The following WDR97 variants were observed in gnomAD, a reference collection of about 807,000 sequenced individuals.
The protein encoded by WDR97 is WD repeat domain 97.
In WDR97, 111 loss-of-function variants were observed where a neutral mutation model predicts 65.4. The observed-to-expected ratio is 1.70, with a 90% confidence interval of 1.45 to 1.99. The LOEUF is 1.99. WDR97 is among the 30% of genes most tolerant of loss of function. WDR97 has a pLI of 0.00. For synonymous variants in WDR97, 802 were observed against 397.7 expected, an observed-to-expected ratio of 2.02 and a Z score of -12.10; for missense variants, 1,674 against 865.0, an observed-to-expected ratio of 1.94 and a Z score of -11.73.
rs772020949 is a variant in WDR97 at position 144,109,557 on chromosome 8, T to C, written c.1223T>C (p.Leu408Pro). The C allele has an allele frequency of 4.3e-5, 30 of 696,724 alleles. No individual in the cohort carries two copies. The Middle Eastern group carries it at 8.4e-4, about 20-fold the overall frequency. 43.2% of individuals were successfully genotyped at this position (696,724 alleles called of 1,614,324 possible). A position where few individuals can be genotyped will look rare whatever the true frequency, so the allele number is the denominator to read the frequency against. ...VLSLCASSMQ[L>P]WRVRELYSPL... Reference sequence around the variant, plus strand: ...TCCCTGTGCGCGAGCAGCATGCAGCTGTGGCGCGTACGCGAGCTCTACTCG... The same window carrying C: ...TCCCTGTGCGCGAGCAGCATGCAGCCGTGGCGCGTACGCGAGCTCTACTCG... Residue 408 changes from leucine (L) to proline (P), a missense_variant, in exon 5 of 24, where the codon CTG becomes CCG. Transcript: ENST00000323662.
chr8:144,111,959 G>A lies in WDR97; in HGVS notation c.2710G>A (p.Val904Met), dbSNP rs1361984646. Reference protein sequence around the residue: ...TLRVERETRDVCAVPQAAHCL... With the variant: ...TLRVERETRDMCAVPQAAHCL... ...CAGAGTGGAGAGAGAGACCCGGGATGTGTGTGCTGTACCCCAAGCTGCCCA... is the reference window on the plus strand; with the variant it reads ...CAGAGTGGAGAGAGAGACCCGGGATATGTGTGCTGTACCCCAAGCTGCCCA... Residue 904 changes from valine to methionine, a missense_variant, in exon 13 of 24, where the codon GTG (valine) becomes ATG (methionine). Transcript: ENST00000323662. 1 of 702,424 alleles carries A rather than the reference G, an allele frequency of 1.4e-6. No homozygotes were observed. Among genetic ancestry groups the A allele is most frequent in the African/African-American group, 1.7e-5 (1 of 57,210 alleles). 43.5% of individuals were successfully genotyped at this position (702,424 alleles called of 1,614,324 possible). A position where few individuals can be genotyped will look rare whatever the true frequency, so the allele number is the denominator to read the frequency against.
chr8:144,115,328 C>T lies in WDR97; in HGVS notation c.4078-13C>T, dbSNP rs1477310559. ...AGGTCTCTAAGACCTTAGCACTTTC[C>T]TCTCCTCCCAAGGAGACCCCATCGC... On this transcript the variant is annotated splice_polypyrimidine_tract_variant and intron_variant, in intron 21 of 23. Coordinates refer to ENST00000323662, the MANE Select transcript of WDR97 (RefSeq NM_001316309.2). 1 of 593,210 alleles carries T rather than the reference C, an allele frequency of 1.7e-6. No homozygotes were observed. Among genetic ancestry groups the T allele is most frequent in the Non-Finnish European group, 3.0e-6 (1 of 331,782 alleles). 36.7% of individuals were successfully genotyped at this position (593,210 alleles called of 1,614,324 possible). A position where few individuals can be genotyped will look rare whatever the true frequency, so the allele number is the denominator to read the frequency against.
In WDR97 at chr8:144,108,655, T is replaced by C. The variant is rs1431728569; in HGVS notation, c.589T>C (p.Trp197Arg). The change falls in exon 3 of 24, where the codon TGG (tryptophan) becomes CGG (arginine). Residue 197 changes from tryptophan to arginine, a missense_variant. Coordinates refer to ENST00000323662, the MANE Select transcript of WDR97 (RefSeq NM_001316309.2). ...GCAGGGGGTGGGCAGGGCCCCGGGTTGGGCGCCCACCTGCTGCCTGCCGGT... is the reference window on the plus strand; with the variant it reads ...GCAGGGGGTGGGCAGGGCCCCGGGTCGGGCGCCCACCTGCTGCCTGCCGGT... Reference protein sequence around the residue: ...SEQGVGRAPGWAPTCCLPVPD... With the variant: ...SEQGVGRAPGRAPTCCLPVPD... The C allele has an allele frequency of 1.4e-6, 1 of 700,424 alleles. No homozygotes were observed. Among genetic ancestry groups the C allele is most frequent in the Non-Finnish European group, 2.6e-6 (1 of 384,374 alleles). 43.4% of individuals were successfully genotyped at this position (700,424 alleles called of 1,614,324 possible).
Position 144,116,447 on chromosome 8 carries a change from C to G in WDR97, c.*154C>G, listed in dbSNP as rs1410854667. 5 of 508,468 alleles carry G rather than the reference C, an allele frequency of 9.8e-6. No homozygotes were observed. The highest frequency in any genetic ancestry group is 1.4e-5 in the Non-Finnish European group (4 of 289,808). 31.5% of individuals were successfully genotyped at this position (508,468 alleles called of 1,614,324 possible). ...TGCGCACGGCGTGTGGGCGTGCGGC[C>G]TGAACCCACAGTGGCGGCGGAAGGC... On this transcript the variant is annotated 3_prime_UTR_variant, in exon 24 of 24. Transcript: ENST00000323662.
At chr8:144,108,238 C>T (rs1836457560) in intron 2 of WDR97, 43 bp downstream of exon 2, 1 of 695,438 alleles carries the variant, frequency 1.4e-6, no homozygotes, top group African/African-American at 1.8e-5. Context: ...CTTTCCGGAT[C>T]TGGGCCTTCC....
In WDR97 at chr8:144,108,392, G is replaced by A. The variant is rs1376543295; in HGVS notation, c.326G>A (p.Gly109Glu). The part of the protein sequence containing the change: ...EPLRRLEVAA[G>E]LRSVAQDPVG... ...CTGCGCCGCCTGGAGGTGGCAGCCG[G>A]GCTGCGCTCGGTGGCGCAGGACCCG... The change falls in exon 3 of 24, where the codon GGG becomes GAG. Residue 109 changes from glycine (G) to glutamate (E), a missense_variant. Physicochemically the swap from Gly to Glu is moderately conservative, Grantham distance 98. Coordinates refer to ENST00000323662, the MANE Select transcript of WDR97 (RefSeq NM_001316309.2). 3 of 697,860 alleles carry A rather than the reference G, an allele frequency of 4.3e-6. No homozygotes were observed. Among genetic ancestry groups the A allele is most frequent in the Non-Finnish European group, 7.8e-6 (3 of 383,124 alleles). 43.2% of individuals were successfully genotyped at this position (697,860 alleles called of 1,614,324 possible). A position where few individuals can be genotyped will look rare whatever the true frequency, so the allele number is the denominator to read the frequency against.
chr8:144,108,906 C>T lies in WDR97; in HGVS notation c.840C>T (p.Ala280=), dbSNP rs187898599. 1.7e-4 allele frequency: 117 copies of T among 702,964 alleles called. No individual in the cohort carries two copies. The African/African-American group carries it at 1.9e-3, about 12-fold the overall frequency. 43.5% of individuals were successfully genotyped at this position (702,964 alleles called of 1,614,324 possible). A position where few individuals can be genotyped will look rare whatever the true frequency, so the allele number is the denominator to read the frequency against. The part of the protein sequence containing the change: ...GSAVLTFDLH[A]WTLVDVRRDL... ...CCGTGCTCACCTTCGATCTGCATGC[C>T]TGGACTCTCGTAGATGTGCGCCGGG... Residue 280 remains alanine, a synonymous_variant, in exon 3 of 24, where the codon GCC becomes GCT. Coordinates refer to ENST00000323662, the MANE Select transcript of WDR97 (RefSeq NM_001316309.2).
Position 144,116,108 on chromosome 8 carries a change from C to T in WDR97, c.4684C>T (p.Leu1562Phe), listed in dbSNP as rs1215536414. The T allele has an allele frequency of 2.9e-6, 2 of 695,720 alleles. No homozygotes were observed. The highest frequency in any genetic ancestry group is 2.0e-5 in the Admixed American group (1 of 49,634). The allele number at this position is 695,720 out of a possible 1,614,324, so 43.1% of individuals were successfully genotyped here. A position where few individuals can be genotyped will look rare whatever the true frequency, so the allele number is the denominator to read the frequency against. ...MRLRGPMRSRLCAGRTLDGPI... is the reference protein window; with the variant it reads ...MRLRGPMRSRFCAGRTLDGPI... ...GCCCCCAGGCCCCATGCGGTCCCGG[C>T]TCTGTGCGGGCCGCACCCTGGACGG... The change falls in exon 24 of 24, where the codon CTC becomes TTC. Residue 1562 changes from leucine to phenylalanine, a missense_variant. Physicochemically the swap from Leu to Phe is conservative, Grantham distance 22. Transcript: ENST00000323662.
rs1442059643 is a variant in WDR97 at position 144,110,545 on chromosome 8, G to A, written c.2048G>A (p.Arg683Gln). 2.8e-6 allele frequency: 2 copies of A among 702,872 alleles called. No individual in the cohort carries two copies. Among genetic ancestry groups the A allele is most frequent in the East Asian group, 2.7e-5 (1 of 37,286 alleles). 43.5% of individuals were successfully genotyped at this position (702,872 alleles called of 1,614,324 possible). The stretch of plus-strand genomic sequence containing the variant: ...GGCGACAGTCCGCGATTAGACCACC[G>A]GCCCCAGGACGACCCCACGGACCAC... Reference protein sequence around the residue: ...GLGDSPRLDHRPQDDPTDHIT... With the variant: ...GLGDSPRLDHQPQDDPTDHIT... The change falls in exon 7 of 24, where the codon CGG becomes CAG. Residue 683 changes from arginine to glutamine, a missense_variant. Physicochemically the swap from Arg to Gln is conservative, Grantham distance 43. Transcript: ENST00000323662.
rs541216414 is a variant in WDR97 at position 144,114,620 on chromosome 8, C to G, written c.3859C>G (p.Arg1287Gly). The G allele has an allele frequency of 2.6e-5, 18 of 702,876 alleles. No homozygotes were observed. The highest frequency in any genetic ancestry group is 4.4e-5 in the South Asian group (3 of 67,598). The allele number at this position is 702,876 out of a possible 1,614,324, so 43.5% of individuals were successfully genotyped here. Residue 1287 changes from arginine (R) to glycine (G), a missense_variant, in exon 20 of 24, where the codon CGG becomes GGG. Coordinates refer to ENST00000323662, the MANE Select transcript of WDR97 (RefSeq NM_001316309.2). Reference sequence around the variant, plus strand: ...GCTCCTGGCCTGCTCCCTGGAGTCCCGGGATGTGGTGCTGGAGCTCATGTC... The same window carrying G: ...GCTCCTGGCCTGCTCCCTGGAGTCCGGGGATGTGGTGCTGGAGCTCATGTC... ...QLLLACSLES[R>G]DVVLELMSYF...
intron 16 of WDR97, 69 bp from the exon 17 acceptor site, chr8:144,113,588 G>C: frequency 1.5e-6 from 1 of 669,868 alleles, no homozygotes; most frequent in South Asian, 1.5e-5. Context: ...AGGGCTGGGG[G>C]TTTTGCCGGC....
rs1836620353 is a variant in WDR97, at chr8:144,114,872, C to T, written c.4038C>T (p.Cys1346=). The T allele has an allele frequency of 1.4e-6, 1 of 701,586 alleles. No homozygotes were observed. Among genetic ancestry groups the T allele is most frequent in the Non-Finnish European group, 2.6e-6 (1 of 384,542 alleles). The allele number at this position is 701,586 out of a possible 1,614,324, so 43.5% of individuals were successfully genotyped here. A position where few individuals can be genotyped will look rare whatever the true frequency, so the allele number is the denominator to read the frequency against. ...DLDSKAGLRT[C]CHQKLEDMIQ... ...ACTCCAAGGCCGGCCTGCGCACTTG[C>T]TGCCACCAGAAACTGGAGGACATGA... The change falls in exon 21 of 24, where the codon TGC becomes TGT. Residue 1346 remains cysteine (C), a synonymous_variant. Coordinates refer to ENST00000323662, the MANE Select transcript of WDR97 (RefSeq NM_001316309.2).
At position 144,113,337 on chromosome 8, in the gene WDR97, G is replaced by A; in HGVS notation, c.3106-103G>A. On this transcript the variant is annotated intron_variant, in intron 15 of 23. Transcript: ENST00000323662. ...CTCGGAGGCCTGGCAGGCAGAGCTGGACTGGCGGCTGAGGGGCTCTGAGAG... is the reference window on the plus strand; with the variant it reads ...CTCGGAGGCCTGGCAGGCAGAGCTGAACTGGCGGCTGAGGGGCTCTGAGAG... 4.4e-6 allele frequency: 3 copies of A among 686,268 alleles called. No homozygotes were observed. In the Admixed American group the frequency reaches 6.4e-5, roughly 15 times the overall value. 42.5% of individuals were successfully genotyped at this position (686,268 alleles called of 1,614,324 possible). A position where few individuals can be genotyped will look rare whatever the true frequency, so the allele number is the denominator to read the frequency against.
chr8:144,109,816 G>T lies in WDR97; in HGVS notation c.1482G>T (p.Arg494Ser). 1.5e-6 allele frequency: 1 copy of T among 684,700 alleles called. No homozygotes were observed. The highest frequency in any genetic ancestry group is 2.6e-6 in the Non-Finnish European group (1 of 377,672). The allele number at this position is 684,700 out of a possible 1,614,324, so 42.4% of individuals were successfully genotyped here. The part of the protein sequence containing the change: ...LPREALWLLT[R>S]AGHLVRANAA... ...GCGAGGCGCTGTGGCTGCTGACCAGGGCTGGGCACCTGGTCCGCGCCAACG... is the reference window on the plus strand; with the variant it reads ...GCGAGGCGCTGTGGCTGCTGACCAGTGCTGGGCACCTGGTCCGCGCCAACG... Residue 494 changes from arginine (R) to serine (S), a missense_variant, in exon 5 of 24, where the codon AGG becomes AGT. Physicochemically the swap from Arg to Ser is moderately radical, Grantham distance 110. Coordinates refer to ENST00000323662, the MANE Select transcript of WDR97 (RefSeq NM_001316309.2).
rs1836514089 is a variant in WDR97, at chr8:144,110,050, G to A, written c.1700+16G>A. 9 of 695,786 alleles carry A rather than the reference G, an allele frequency of 1.3e-5. No individual in the cohort carries two copies. The highest frequency in any genetic ancestry group is 2.0e-5 in the Admixed American group (1 of 49,706). 43.1% of individuals were successfully genotyped at this position (695,786 alleles called of 1,614,324 possible). ...ACAAGAACCGGTGGGTGCGGGAGCCGGCGAGGGTCTGGCGGGCGGAAGGAG... is the reference window on the plus strand; with the variant it reads ...ACAAGAACCGGTGGGTGCGGGAGCCAGCGAGGGTCTGGCGGGCGGAAGGAG... On this transcript the variant is annotated intron_variant, in intron 5 of 23. Transcript: ENST00000323662.
Position 144,115,398 on chromosome 8 carries a change from C to T in WDR97, c.4135C>T (p.Pro1379Ser). ...GGCACCCACACGCGCCTCCGTGATA[C>T]CCTCGGGCACCTCCTGGTCGGCCTC... ...SGAPTRASVIPSGTSWSASGI... is the reference protein window; with the variant it reads ...SGAPTRASVISSGTSWSASGI... The change falls in exon 22 of 24, where the codon CCC (proline) becomes TCC (serine). Residue 1379 changes from proline to serine, a missense_variant. Pro to Ser is a moderately conservative substitution (Grantham distance 74). Coordinates refer to ENST00000323662, the MANE Select transcript of WDR97 (RefSeq NM_001316309.2). The T allele has an allele frequency of 1.5e-6, 1 of 646,044 alleles. No homozygotes were observed. The highest frequency in any genetic ancestry group is 2.8e-6 in the Non-Finnish European group (1 of 354,740). The allele number at this position is 646,044 out of a possible 1,614,324, so 40.0% of individuals were successfully genotyped here. A position where few individuals can be genotyped will look rare whatever the true frequency, so the allele number is the denominator to read the frequency against.
At position 144,108,402 on chromosome 8, in the gene WDR97, G is replaced by C. The variant is rs895624995; in HGVS notation, c.336G>C (p.Ser112=). 7.2e-6 allele frequency: 5 copies of C among 698,402 alleles called. No homozygotes were observed. The South Asian group carries it at 7.4e-5, about 10-fold the overall frequency. 43.3% of individuals were successfully genotyped at this position (698,402 alleles called of 1,614,324 possible). The change falls in exon 3 of 24, where the codon TCG becomes TCC. Residue 112 remains serine, a synonymous_variant. Transcript: ENST00000323662. The stretch of plus-strand genomic sequence containing the variant: ...TGGAGGTGGCAGCCGGGCTGCGCTC[G>C]GTGGCGCAGGACCCGGTGGGTGGAC... ...RRLEVAAGLR[S]VAQDPVGGRF... is the part of the protein sequence containing the mutation.
chr8:144,115,236 G>A, intron 21 of WDR97, 105 bp from the exon 22 acceptor site: 1 of 569,706 alleles, frequency 1.8e-6, no homozygotes, highest in Non-Finnish European at 3.1e-6. Context: ...TTGGCCATGG[G>A]TCACCTCCTG....
intron 2 of WDR97, 40 bp downstream of exon 2, chr8:144,108,235 G>C: frequency 1.4e-6 from 1 of 695,818 alleles, no homozygotes; most frequent in East Asian, 2.7e-5. Context: ...CCTCTTTCCG[G>C]ATCTGGGCCT....
Sources: allele counts gnomAD v4.1 joint callset, GRCh38; gene constraint gnomAD v4.1.1; transcripts MANE v1.5; gene names NCBI Gene and HGNC (gene_info 2026-07-23, HGNC 2026-07-21).